PCDHAC2: variants seen among roughly 807,000 people sequenced by gnomAD.
PCDHAC2 encodes the protein protocadherin alpha-C2.
PCDHAC2 carries 24 observed loss-of-function variants against 63.3 expected under a neutral mutation model. That is an observed-to-expected ratio of 0.38 (90% CI 0.27 to 0.53). PCDHAC2 has a LOEUF of 0.53. Ranked by LOEUF, PCDHAC2 falls within the 20% of genes least tolerant of loss-of-function variation. The probability of loss-of-function intolerance (pLI) is 0.81; values close to 1 mark genes in which losing one functional copy is unlikely to be tolerated. For synonymous variants in PCDHAC2, 569 were observed against 529.4 expected, an observed-to-expected ratio of 1.07 and a Z score of -1.03; for missense variants, 1,181 against 1,275.2, an observed-to-expected ratio of 0.93 and a Z score of 1.12.
intron 3 of PCDHAC2, among the ~76,000 whole-genome samples, chr5:140,996,427 G>A (rs1479947811): frequency 6.6e-6 from 1 of 152,176 alleles, no homozygotes; most frequent in Non-Finnish European, 1.5e-5. Context: ...GAAAACTTTG[G>A]GAATAGTCAG....
intron 3 of PCDHAC2, among the ~76,000 whole-genome samples, chr5:141,005,018 T>G (rs2098193299): frequency 6.6e-6 from 1 of 152,250 alleles, no homozygotes; most frequent in Non-Finnish European, 1.5e-5. Context: ...AGCTGCATTA[T>G]ATATAATTGC....
intron 1 of PCDHAC2, among the ~76,000 whole-genome samples, chr5:140,969,883 A>G (rs1161815776): frequency 6.6e-6 from 1 of 152,204 alleles, no homozygotes; most frequent in African/African-American, 2.4e-5. Flanking sequence ...ATGTGATAGG[A>G]TCCTCTGGAA....
chr5:140,969,045 C>G lies in PCDHAC2; in HGVS notation c.2279C>G (p.Ala760Gly). Residue 760 changes from alanine to glycine, a missense_variant, in exon 1 of 4, where the codon GCC becomes GGC. This residue lies in a region of PCDHAC2 where 968 missense variants were observed against 1,073.5 expected (regional missense o/e 0.90). Coordinates refer to ENST00000289269, the MANE Select transcript of PCDHAC2 (RefSeq NM_018899.6). ...ERSPAELYKQ[A>G]NNNIDARIPH... ...TCCCCTGCAGAACTGTACAAACAAGCCAACAACAATATTGATGCCAGGATA... is the reference window on the plus strand; with the variant it reads ...TCCCCTGCAGAACTGTACAAACAAGGCAACAACAATATTGATGCCAGGATA... 2 of 1,614,090 alleles carry G rather than the reference C, an allele frequency of 1.2e-6. No individual in the cohort carries two copies.
chr5:140,976,142 C>T (rs1554237347), intron 1 of PCDHAC2, among the ~76,000 whole-genome samples: 2 of 152,138 alleles, frequency 1.3e-5, no homozygotes, highest in Admixed American at 1.3e-4. Context: ...GGATGAAACT[C>T]ATGTACATTT....
intron 3 of PCDHAC2, among the ~76,000 whole-genome samples, chr5:141,002,329 A>C (rs2098072323): frequency 6.6e-6 from 1 of 152,226 alleles, no homozygotes; most frequent in Non-Finnish European, 1.5e-5. Context: ...GCCGGGCTGC[A>C]TCCGCACCCC....
At chr5:140,981,186 T>G (rs1307228709) in intron 2 of PCDHAC2, among the ~76,000 whole-genome samples, 1 of 152,234 alleles carries the variant, frequency 6.6e-6, no homozygotes, top group Non-Finnish European at 1.5e-5. Flanking sequence ...AGTTCAAGTT[T>G]GCCTGCTCTG....
Position 140,967,954 on chromosome 5 carries a change from C to T in PCDHAC2, c.1188C>T (p.Pro396=). Residue 396 remains proline, a synonymous_variant, in exon 1 of 4, where the codon CCC becomes CCT. Transcript: ENST00000289269. ...VLSVNDQDSG[P]NRKVSLGLEA... ...GTGTCAATGACCAAGACTCAGGCCC[C>T]AACCGGAAAGTGAGCCTGGGTCTGG... 6.2e-7 allele frequency: 1 copy of T among 1,614,208 alleles called. No homozygotes were observed. Among genetic ancestry groups the T allele is most frequent in the Non-Finnish European group, 8.5e-7 (1 of 1,180,034 alleles).
At chr5:140,994,226 G>A (rs2097606248) in intron 3 of PCDHAC2, among the ~76,000 whole-genome samples, 1 of 152,162 alleles carries the variant, frequency 6.6e-6, no homozygotes. Flanking sequence ...GTCTGTCTAT[G>A]TTATAATCAA....
At chr5:140,972,754 CCCAAG>C (rs1290105832) in intron 1 of PCDHAC2, among the ~76,000 whole-genome samples, 1 of 151,316 alleles carries the variant, frequency 6.6e-6, no homozygotes, top group African/African-American at 2.4e-5. Context: ...ACCTCCGCCT[CCCAAG>C]TTAAAGTGAT....
chr5:141,004,045 G>T (rs1588047334), intron 3 of PCDHAC2, among the ~76,000 whole-genome samples: 1 of 152,222 alleles, frequency 6.6e-6, no homozygotes, highest in East Asian at 1.9e-4. Flanking sequence ...TTGATCATTT[G>T]CTGATACTGG....
chr5:140,989,685 A>G (rs1393246206), intron 3 of PCDHAC2, among the ~76,000 whole-genome samples: 2 of 152,186 alleles, frequency 1.3e-5, no homozygotes, highest in Non-Finnish European at 2.9e-5. Context: ...TTTCAAAGGA[A>G]CGTGAAAATT....
chr5:140,971,973 A>G (rs1554233757), intron 1 of PCDHAC2, among the ~76,000 whole-genome samples: 1 of 152,218 alleles, frequency 6.6e-6, no homozygotes, highest in South Asian at 2.1e-4. Flanking sequence ...TTTCAATACT[A>G]TGAGTAGACA....
chr5:140,987,149 G>A (rs1380803903), intron 3 of PCDHAC2, among the ~76,000 whole-genome samples: 1 of 151,884 alleles, frequency 6.6e-6, no homozygotes, highest in African/African-American at 2.4e-5. Context: ...GGGAGGTGGA[G>A]GTTGCAGTGA....
At chr5:141,002,097 G>A (rs782083569) in intron 3 of PCDHAC2, among the ~76,000 whole-genome samples, 3 of 152,230 alleles carry the variant, frequency 2.0e-5, no homozygotes, top group Non-Finnish European at 4.4e-5. Flanking sequence ...TCCAGGGGCT[G>A]GGCCGGAAAC....
At position 140,967,424 on chromosome 5, in the gene PCDHAC2, G is replaced by A. The variant is rs1554229541; in HGVS notation, c.658G>A (p.Ala220Thr). ...GCGTAAGGGCCTAGACCGGGAGCAG[G>A]CAGCCTTGCACCACCTGGTTCTCAC... ...VLRKGLDREQ[A>T]ALHHLVLTAV... is the part of the protein sequence containing the mutation. The change falls in exon 1 of 4, where the codon GCA (alanine) becomes ACA (threonine). Residue 220 changes from alanine (A) to threonine (T), a missense_variant. Transcript: ENST00000289269. The A allele has an allele frequency of 2.5e-6, 4 of 1,613,184 alleles. No individual in the cohort carries two copies. The highest frequency in any genetic ancestry group is 2.5e-6 in the Non-Finnish European group (3 of 1,179,688).
At chr5:140,989,462 G>A (rs531421005) in intron 3 of PCDHAC2, among the ~76,000 whole-genome samples, 27 of 152,326 alleles carry the variant, frequency 1.8e-4, no homozygotes, top group Non-Finnish European at 2.9e-4. Context: ...GTTAGGCTTG[G>A]AACTCCTCCT....
chr5:140,971,115 G>A (rs1409733667), intron 1 of PCDHAC2, among the ~76,000 whole-genome samples: 1 of 152,146 alleles, frequency 6.6e-6, no homozygotes, highest in Non-Finnish European at 1.5e-5. Flanking sequence ...GGATTGGGGT[G>A]GGCTACAGGT....
chr5:141,005,255 CACTGGTGATACATTGGTGAAT>C (rs1319250318), intron 3 of PCDHAC2, among the ~76,000 whole-genome samples: 1 of 152,182 alleles, frequency 6.6e-6, no homozygotes, highest in African/African-American at 2.4e-5. Context: ...TTGTGCTAGG[CACTGGTGATACATTGGTGAAT>C]AAACAGATAC....
chr5:141,005,932 G>A (rs1588114868), intron 3 of PCDHAC2, among the ~76,000 whole-genome samples: 2 of 152,074 alleles, frequency 1.3e-5, no homozygotes, highest in East Asian at 3.9e-4. Context: ...GGTTGACAGA[G>A]TGAGAACCTA....
Sources: allele counts gnomAD v4.1 joint callset (sites outside exome capture counted in the v4.1 genomes callset), GRCh38; gene constraint gnomAD v4.1.1; regional missense constraint gnomAD v4.1.1; transcripts MANE v1.5; gene names NCBI Gene and HGNC (gene_info 2026-07-23, HGNC 2026-07-21).